MID1: variants seen among roughly 807,000 people sequenced by gnomAD.
MID1 encodes the protein E3 ubiquitin-protein ligase Midline-1.
Under a neutral mutation model 40.4 loss-of-function variants are expected in MID1, and 7 were observed. The ratio of observed to expected loss-of-function variants is 0.17; its 90% CI spans 0.10 to 0.33. The LOEUF is 0.33. MID1 is among the 10% of genes least tolerant of loss of function. The pLI is 1.00. For synonymous variants in MID1, 229 were observed against 221.2 expected (o/e 1.04, Z -0.31); for missense variants, 367 against 558.5 (o/e 0.66, Z 3.46).
chrX:10,521,701 G>A (rs976484748), intron 3 of MID1, among the ~76,000 whole-genome samples: 4 of 111,713 alleles, frequency 3.6e-5, no homozygotes, highest in African/African-American at 1.3e-4. Context: ...TTGCAATTGT[G>A]GTTTATTTCA....
chrX:10,523,724 A>ACT (rs199897733), intron 2 of MID1, among the ~76,000 whole-genome samples: 4,887 of 111,678 alleles, frequency 0.044, 267 homozygotes, highest in African/African-American at 0.15. Context: ...AGTGGAGTTG[A>ACT]CTCTGTATCC....
intron 1 of MID1, among the ~76,000 whole-genome samples, chrX:10,626,438 C>A (rs1000007843): frequency 9.1e-6 from 1 of 110,373 alleles, no homozygotes; most frequent in Admixed American, 9.7e-5. Flanking sequence ...CTCCTGGGCA[C>A]GAGCCATCCT....
intron 1 of MID1, 140 bp downstream of exon 1, chrX:10,620,150 A>G (rs1773125769): frequency 8.9e-6 from 1 of 112,286 alleles, no homozygotes; most frequent in Non-Finnish European, 1.9e-5. Context: ...GTCTTAGGAA[A>G]ATGCAGCCCC....
chrX:10,489,990 C>A (rs189849124), intron 4 of MID1, among the ~76,000 whole-genome samples: 2 of 111,763 alleles, frequency 1.8e-5, no homozygotes, highest in African/African-American at 6.5e-5. Flanking sequence ...CCACCGCACC[C>A]GGTCTATTTT....
chrX:10,685,008 AAAGT>A (rs1285039995), intron 1 of MID1, among the ~76,000 whole-genome samples: 3 of 111,625 alleles, frequency 2.7e-5, no homozygotes, highest in African/African-American at 9.8e-5. Context: ...TTTACTAAAT[AAAGT>A]GTTTTTGAAC....
At chrX:10,829,543 C>A (rs2044239223) in intron 1 of MID1, among the ~76,000 whole-genome samples, 1 of 111,666 alleles carries the variant, frequency 9.0e-6, no homozygotes, top group Non-Finnish European at 1.9e-5. Flanking sequence ...ATTAAATGAA[C>A]CATTGACATT....
chrX:10,729,951 G>T (rs1042028410), intron 1 of MID1, among the ~76,000 whole-genome samples: 3 of 109,522 alleles, frequency 2.7e-5, no homozygotes, highest in African/African-American at 9.9e-5. Flanking sequence ...GGGCGTGGTG[G>T]CGGGCACCTG....
chrX:10,552,429 ACT>A (rs1933949317), intron 2 of MID1, among the ~76,000 whole-genome samples: 1 of 110,591 alleles, frequency 9.0e-6, no homozygotes, highest in African/African-American at 3.3e-5. Flanking sequence ...TGGATGCTCA[ACT>A]CTCTGATATA....
intron 1 of MID1, among the ~76,000 whole-genome samples, chrX:10,609,669 C>G (rs7887253): frequency 0.019 from 2,085 of 109,148 alleles, 48 homozygotes; most frequent in African/African-American, 0.066. Context: ...AAAAACCCAT[C>G]AAACATCGTT....
At chrX:10,802,405 A>G (rs1393828308) in intron 1 of MID1, among the ~76,000 whole-genome samples, 2 of 111,665 alleles carry the variant, frequency 1.8e-5, no homozygotes, top group African/African-American at 6.5e-5. Flanking sequence ...AGAGACATAC[A>G]AGCGGCCAAC....
chrX:10,747,059 C>A (rs1390092044), intron 1 of MID1, among the ~76,000 whole-genome samples: 2 of 110,895 alleles, frequency 1.8e-5, no homozygotes, highest in African/African-American at 6.6e-5. Flanking sequence ...GGTTGCACAG[C>A]CAACGCTGTT....
chrX:10,548,468 T>C (rs1933783942), intron 2 of MID1, among the ~76,000 whole-genome samples: 1 of 112,409 alleles, frequency 8.9e-6, no homozygotes, highest in Non-Finnish European at 1.9e-5. Context: ...CACCATTTTA[T>C]AATCGTAAAT....
At chrX:10,719,284 G>A (rs12392768) in intron 1 of MID1, among the ~76,000 whole-genome samples, 10,299 of 104,254 alleles carry the variant, frequency 0.099, 1,022 homozygotes, top group African/African-American at 0.29. Flanking sequence ...ACATGATTGT[G>A]TATCTAGAAA....
At chrX:10,523,257 T>C in intron 2 of MID1, 70 bp from the exon 3 acceptor site, 1 of 762,624 alleles carries the variant, frequency 1.3e-6, no homozygotes, top group East Asian at 3.2e-5. Context: ...ATACACAAAA[T>C]TACTCATTCT....
chrX:10,635,027 T>C (rs1429109223), intron 1 of MID1, among the ~76,000 whole-genome samples: 1 of 112,478 alleles, frequency 8.9e-6, no homozygotes, highest in Non-Finnish European at 1.9e-5. Flanking sequence ...AAGTCGACTG[T>C]CAGGCATGCA....
intron 1 of MID1, among the ~76,000 whole-genome samples, chrX:10,591,286 A>G (rs1315102593): frequency 1.8e-5 from 2 of 112,443 alleles, no homozygotes; most frequent in African/African-American, 6.5e-5. Flanking sequence ...TGTCATCTTC[A>G]TGGTAAAGAT....
chrX:10,740,151 C>T (rs771260588), intron 1 of MID1, among the ~76,000 whole-genome samples: 105 of 111,642 alleles, frequency 9.4e-4, no homozygotes, highest in South Asian at 3.0e-3. Flanking sequence ...TTCTTTTTTG[C>T]GAACTGGGAT....
chrX:10,570,175 C>T lies in MID1; in HGVS notation c.-56-2572G>A, dbSNP rs1020690775. On this transcript the variant is annotated intron_variant, in intron 1 of 9. Transcript: ENST00000317552. ...CCCACGCTACCCACTCCTTTCTCTG[C>T]TCTGAGCACATGGCCTCGTTCTGAC... Among the ~76,000 whole-genome samples, 3 of 111,762 alleles carry T rather than the reference C, an allele frequency of 2.7e-5. No homozygotes were observed. In the Admixed American group the frequency reaches 2.8e-4, roughly 11 times the overall value.
At chrX:10,796,802 T>G (rs1007928195) in intron 1 of MID1, among the ~76,000 whole-genome samples, 27 of 111,180 alleles carry the variant, frequency 2.4e-4, no homozygotes, top group African/African-American at 8.2e-4. Context: ...GTTTTATTAA[T>G]GACAATTTGA....
Sources: gnomAD v4.1 joint callset for allele counts (sites outside exome capture counted in the v4.1 genomes callset) on GRCh38, gnomAD v4.1.1 for gene constraint, MANE v1.5 for transcripts, NCBI Gene and HGNC (gene_info 2026-07-23, HGNC 2026-07-21) for gene names.